Variants in KCNK9 observed in about 807,000 individuals in gnomAD.
KCNK9 encodes the protein potassium channel subfamily K member 9.
Under a neutral mutation model 10.8 loss-of-function variants are expected in KCNK9, and 1 was observed. The ratio of observed to expected loss-of-function variants is 0.09; its 90% confidence interval spans 0.03 to 0.44. KCNK9 has a LOEUF of 0.44. Among genes scored for constraint, KCNK9 ranks in the 20% least tolerant of loss-of-function variants. The pLI is 0.97. For missense variants in KCNK9, 303 were observed against 515.0 expected (o/e 0.59, Z 3.98); for synonymous variants, 231 against 222.7 (o/e 1.04, Z -0.33).
chr8:139,600,955 G>C (rs969827204), downstream of KCNK9: 1 of 152,258 alleles, frequency 6.6e-6, no homozygotes, highest in Admixed American at 6.5e-5. Flanking sequence ...CTGTTTACAC[G>C]AGAAGCCTGA....
chr8:139,614,972 GA>G (rs1255191513), downstream of KCNK9, among the ~76,000 whole-genome samples: 2 of 152,206 alleles, frequency 1.3e-5, no homozygotes, highest in African/African-American at 4.8e-5. Context: ...CATTCTAACA[GA>G]AGTTGAACCC....
chr8:139,698,401 A>T (rs186278097), intron 1 of KCNK9, among the ~76,000 whole-genome samples: 88 of 152,328 alleles, frequency 5.8e-4, no homozygotes, highest in African/African-American at 2.1e-3. Context: ...CAGAAAACAT[A>T]GTATTTATTA....
chr8:139,661,215 C>CA (rs1457775420), intron 1 of KCNK9, among the ~76,000 whole-genome samples: 1 of 152,206 alleles, frequency 6.6e-6, no homozygotes, highest in East Asian at 1.9e-4. Flanking sequence ...TGAGTTGGGC[C>CA]ATGTGCCTCT....
intron 1 of KCNK9, among the ~76,000 whole-genome samples, chr8:139,636,919 C>T (rs138117417): frequency 1.3e-5 from 2 of 152,340 alleles, no homozygotes; most frequent in African/African-American, 2.4e-5. Context: ...GAAGCTCTGT[C>T]CCCAGAGCTC....
At position 139,687,624 on chromosome 8, in the gene KCNK9, TCATATGTATA is replaced by T. The variant is rs1248151770; in HGVS notation, c.283+15076_283+15085del. Reference sequence around the variant, plus strand: ...TGTATACATATGTATACATATATATTCATATGTATACATATGTATACATATATATTCATAT... The same window carrying T: ...TGTATACATATGTATACATATATATTCATATGTATACATATATATTCATAT... On this transcript the variant is annotated intron_variant, in intron 1 of 1. Coordinates refer to ENST00000520439, the MANE Select transcript of KCNK9 (RefSeq NM_001282534.2). Among the ~76,000 whole-genome samples the T allele has an allele frequency of 1.0e-3, 65 of 65,174 alleles. 2 individuals carry two copies. Among genetic ancestry groups the T allele is most frequent in the African/African-American group, 2.7e-3 (56 of 20,448 alleles). The allele number at this position is 65,174 out of a possible 152,430, so 42.8% of individuals were successfully genotyped here. A position where few individuals can be genotyped will look rare whatever the true frequency, so the allele number is the denominator to read the frequency against.
intron 1 of KCNK9, among the ~76,000 whole-genome samples, chr8:139,641,658 C>T (rs1431753579): frequency 2.0e-5 from 3 of 152,108 alleles, no homozygotes; most frequent in African/African-American, 7.2e-5. Flanking sequence ...CTGCTACACA[C>T]CCAATTTCCA....
intron 1 of KCNK9, among the ~76,000 whole-genome samples, chr8:139,688,586 TTACAACTTG>T (rs1301013589): frequency 7.6e-5 from 4 of 52,844 alleles, no homozygotes; most frequent in Non-Finnish European, 2.6e-4. Flanking sequence ...CACGTGGGGA[TTACAACTTG>T]AGATGAAATT....
At chr8:139,633,003 C>T (rs775103488) in intron 1 of KCNK9, among the ~76,000 whole-genome samples, 7 of 152,098 alleles carry the variant, frequency 4.6e-5, no homozygotes, top group East Asian at 1.9e-4. Context: ...GGTGCAGTCA[C>T]GTCCATGGAA....
At position 139,697,465 on chromosome 8, in the gene KCNK9, T is replaced by C. The variant is rs943423437; in HGVS notation, c.283+5245A>G. 7.0e-5 allele frequency among the ~76,000 whole-genome samples: 10 copies of C among 142,912 alleles called. No individual in the cohort carries two copies. In the East Asian group the frequency reaches 1.9e-3, roughly 28 times the overall value. 93.8% of individuals were successfully genotyped at this position (142,912 alleles called of 152,430 possible). ...GATGGGTGGATTGATGGGTGGCAGA[T>C]GCACGGTGGATAGCTGGGTGGGTGG... On this transcript the variant is annotated intron_variant, in intron 1 of 1. Transcript: ENST00000520439.
intron 1 of KCNK9, among the ~76,000 whole-genome samples, chr8:139,625,136 G>T (rs1265505333): frequency 6.7e-6 from 1 of 150,184 alleles, no homozygotes; most frequent in African/African-American, 2.5e-5. Flanking sequence ...CCCACCTCAG[G>T]CTGGCGTGCA....
chr8:139,700,192 C>T (rs561865264), intron 1 of KCNK9, among the ~76,000 whole-genome samples: 3 of 152,332 alleles, frequency 2.0e-5, no homozygotes, highest in Admixed American at 6.5e-5. Context: ...GATCAGGCTT[C>T]GTCCAAGAGC....
At chr8:139,666,346 G>A (rs1157991577) in intron 1 of KCNK9, among the ~76,000 whole-genome samples, 1 of 152,196 alleles carries the variant, frequency 6.6e-6, no homozygotes, top group Admixed American at 6.5e-5. Flanking sequence ...TACTAAGCAC[G>A]GCGCTATGTC....
chr8:139,697,347 T>TTGGA (rs75812728), intron 1 of KCNK9, among the ~76,000 whole-genome samples: 35,804 of 143,420 alleles, frequency 0.25, 4,736 homozygotes, highest in East Asian at 0.48. Flanking sequence ...GAGTGGATGG[T>TTGGA]TGGATGGATG....
At chr8:139,651,654 G>T (rs1462127927) in intron 1 of KCNK9, among the ~76,000 whole-genome samples, 1 of 152,092 alleles carries the variant, frequency 6.6e-6, no homozygotes, top group Non-Finnish European at 1.5e-5. Flanking sequence ...GCCAAATTGG[G>T]CTGACTTCCC....
intron 1 of KCNK9, among the ~76,000 whole-genome samples, chr8:139,643,840 C>A (rs1269769815): frequency 6.6e-6 from 1 of 152,198 alleles, no homozygotes; most frequent in Non-Finnish European, 1.5e-5. Flanking sequence ...TCAGGTAGGC[C>A]CGCAGGTTCA....
chr8:139,608,241 G>T (rs1481054069), downstream of KCNK9, among the ~76,000 whole-genome samples: 2 of 152,082 alleles, frequency 1.3e-5, no homozygotes, highest in African/African-American at 2.4e-5. Flanking sequence ...CCTCCCCACC[G>T]ACTCCAGATT....
chr8:139,672,502 C>T (rs762122392), intron 1 of KCNK9, among the ~76,000 whole-genome samples: 1 of 152,354 alleles, frequency 6.6e-6, no homozygotes, highest in South Asian at 2.1e-4. Flanking sequence ...GAAAAACCAA[C>T]AGCCAACACC....
chr8:139,663,682 T>TGTGTGTGTGTGTGTGTGTGTGTGTG (rs1554624294), intron 1 of KCNK9, among the ~76,000 whole-genome samples: 2 of 145,758 alleles, frequency 1.4e-5, no homozygotes, highest in Admixed American at 6.8e-5. Flanking sequence ...TGTGTGTGTG[T>TGTGTGTGTGTGTGTGTGTGTGTGTG]TAGAGAGAGA....
chr8:139,685,487 G>A (rs540933659), intron 1 of KCNK9, among the ~76,000 whole-genome samples: 1 of 152,218 alleles, frequency 6.6e-6, no homozygotes, highest in Non-Finnish European at 1.5e-5. Context: ...CTGTGTCCAT[G>A]TGTTCTCATT....
Sources: allele counts gnomAD v4.1 joint callset (sites outside exome capture counted in the v4.1 genomes callset), GRCh38; gene constraint gnomAD v4.1.1; transcripts MANE v1.5; gene names NCBI Gene and HGNC (gene_info 2026-07-23, HGNC 2026-07-21).